Variants in ADAMTS20 observed in about 807,000 individuals in gnomAD.
ADAMTS20 encodes ADAM metallopeptidase with thrombospondin type 1 motif 20, also known as A disintegrin and metalloproteinase with thrombospondin motifs 20.
A neutral mutation model predicts 260.1 loss-of-function variants in ADAMTS20; 225 were observed. That is an observed-to-expected ratio of 0.87 (90% confidence interval 0.78 to 0.97). The LOEUF (loss-of-function observed/expected upper bound fraction) is 0.97. Ranked by LOEUF, ADAMTS20 falls within the 50% of genes least tolerant of loss-of-function variation. The pLI is 0.00. For synonymous variants in ADAMTS20, 802 were observed against 769.5 expected (o/e 1.04, Z -0.70); for missense variants, 2,400 against 2,337.7 (o/e 1.03, Z -0.55).
intron 28 of ADAMTS20, among the ~76,000 whole-genome samples, chr12:43,403,444 C>G (rs1384443888): frequency 6.6e-6 from 1 of 152,020 alleles, no homozygotes; most frequent in African/African-American, 2.4e-5. Flanking sequence ...TCCTTTCTGA[C>G]AGTAGGGGGA....
At chr12:43,407,980 A>T (rs550030282) in intron 28 of ADAMTS20, among the ~76,000 whole-genome samples, 4 of 152,302 alleles carry the variant, frequency 2.6e-5, no homozygotes, top group African/African-American at 7.2e-5. Context: ...TAGCAAGTGA[A>T]ACTCATCTAA....
chr12:43,502,243 C>A lies in ADAMTS20; in HGVS notation c.776G>T (p.Arg259Ile), dbSNP rs776588331. Residue 259 changes from arginine (R) to isoleucine (I), a missense_variant, in exon 4 of 39, where the codon AGA becomes ATA. Arg to Ile is a moderately conservative substitution (Grantham distance 97). Coordinates refer to ENST00000389420, the MANE Select transcript of ADAMTS20 (RefSeq NM_025003.5). ...AGCTGTAACCATAATTTCAATGTAT[C>A]TTGGATATGATATAAGACGTTTTTT... ...SRKKRLISYP[R>I]YIEIMVTADA... 10 of 1,611,626 alleles carry A rather than the reference C, an allele frequency of 6.2e-6. No homozygotes were observed. The Admixed American group carries it at 1.5e-4, about 24-fold the overall frequency.
At chr12:43,354,662 C>G (rs1565661358) in intron 38 of ADAMTS20, among the ~76,000 whole-genome samples, 1 of 151,974 alleles carries the variant, frequency 6.6e-6, no homozygotes, top group African/African-American at 2.4e-5. Context: ...ATTTGCAATC[C>G]AGTATTTACA....
chr12:43,438,881 T>G (rs1328183901), intron 18 of ADAMTS20, among the ~76,000 whole-genome samples: 1 of 152,236 alleles, frequency 6.6e-6, no homozygotes, highest in African/African-American at 2.4e-5. Context: ...ACTGTGCGTA[T>G]CTATAGTACT....
chr12:43,534,659 A>C (rs914275262), intron 2 of ADAMTS20, among the ~76,000 whole-genome samples: 1 of 152,204 alleles, frequency 6.6e-6, no homozygotes, highest in Non-Finnish European at 1.5e-5. Flanking sequence ...AAACAAAAAG[A>C]GAAAACATTC....
intron 11 of ADAMTS20, among the ~76,000 whole-genome samples, chr12:43,459,327 G>A (rs1417390378): frequency 1.3e-5 from 2 of 152,138 alleles, no homozygotes; most frequent in Admixed American, 1.3e-4. Context: ...TAAGTGCCTG[G>A]GTTCATCCTA....
At chr12:43,504,031 CATGT>C (rs1157285619) in intron 3 of ADAMTS20, among the ~76,000 whole-genome samples, 1 of 152,096 alleles carries the variant, frequency 6.6e-6, no homozygotes. Context: ...CATACACATG[CATGT>C]GTCTTTATAG....
At chr12:43,464,561 G>T in intron 10 of ADAMTS20, 30 bp downstream of exon 10, 1 of 1,599,956 alleles carries the variant, frequency 6.3e-7, no homozygotes, top group Non-Finnish European at 8.5e-7. Flanking sequence ...GGCAGTTTTC[G>T]AACAAAATAA....
intron 16 of ADAMTS20, among the ~76,000 whole-genome samples, chr12:43,441,973 T>C (rs977908470): frequency 6.6e-6 from 1 of 152,224 alleles, no homozygotes; most frequent in African/African-American, 2.4e-5. Context: ...GTCTATGACA[T>C]AGACATTCCT....
chr12:43,434,169 G>A, intron 19 of ADAMTS20, 76 bp downstream of exon 19: 1 of 1,421,380 alleles, frequency 7.0e-7, no homozygotes, highest in Non-Finnish European at 9.5e-7. Flanking sequence ...TCCATGCTGT[G>A]TCAGTCACTG....
At chr12:43,449,404 C>T (rs540382976) in intron 14 of ADAMTS20, among the ~76,000 whole-genome samples, 43 of 152,164 alleles carry the variant, frequency 2.8e-4, no homozygotes, top group African/African-American at 9.9e-4. Flanking sequence ...AAATATTACA[C>T]GTTCTCACTT....
chr12:43,460,800 T>C (rs1180919585), intron 11 of ADAMTS20, among the ~76,000 whole-genome samples: 1 of 151,320 alleles, frequency 6.6e-6, no homozygotes, highest in Non-Finnish European at 1.5e-5. Context: ...AAAAATATTA[T>C]GTTGAACAAA....
chr12:43,462,893 A>G lies in ADAMTS20; in HGVS notation c.1614+2T>C. ...CAAGACTCACCCTTCAAGAAAACCT[A>G]CCATTCCAGGACCGCAGTCTGTTCC... On this transcript the variant is annotated splice_donor_variant, in intron 11 of 38. Transcript: ENST00000389420. LOFTEE classifies it high-confidence loss of function. 1 of 1,598,474 alleles carries G rather than the reference A, an allele frequency of 6.3e-7. No homozygotes were observed.
chr12:43,502,947 T>A (rs1942788782), intron 3 of ADAMTS20, among the ~76,000 whole-genome samples: 1 of 152,140 alleles, frequency 6.6e-6, no homozygotes, highest in Non-Finnish European at 1.5e-5. Flanking sequence ...GAAAGGCAAA[T>A]GTTCCTATAA....
Position 43,450,528 on chromosome 12 carries a change from C to T in ADAMTS20, c.2079+1746G>A, listed in dbSNP as rs377557740. On this transcript the variant is annotated intron_variant, in intron 14 of 38. Coordinates refer to ENST00000389420, the MANE Select transcript of ADAMTS20 (RefSeq NM_025003.5). The stretch of plus-strand genomic sequence containing the variant: ...CAACTTTTTTCAGGCCACTGAATAA[C>T]CTTTTCAGTATTTAAACTGTTTCCG... Among the ~76,000 whole-genome samples the T allele has an allele frequency of 2.6e-5, 4 of 152,036 alleles. No homozygotes were observed. In the East Asian group the frequency reaches 5.8e-4, roughly 22 times the overall value.
Position 43,504,285 on chromosome 12 carries a change from T to C in ADAMTS20, c.614-1880A>G, listed in dbSNP as rs374854507. On this transcript the variant is annotated intron_variant, in intron 3 of 38. Transcript: ENST00000389420. ...GATGTGAGATGGTATCTCATCATGGTTCTGATGTGCATTTCTCTAACGATT... is the reference window on the plus strand; with the variant it reads ...GATGTGAGATGGTATCTCATCATGGCTCTGATGTGCATTTCTCTAACGATT... Among the ~76,000 whole-genome samples, 30 of 152,314 alleles carry C rather than the reference T, an allele frequency of 2.0e-4. No individual in the cohort carries two copies. In the East Asian group the frequency reaches 4.2e-3, roughly 22 times the overall value.
At chr12:43,461,557 G>A (rs1407823729) in intron 11 of ADAMTS20, among the ~76,000 whole-genome samples, 1 of 152,044 alleles carries the variant, frequency 6.6e-6, no homozygotes, top group Non-Finnish European at 1.5e-5. Flanking sequence ...AAGGTTCATG[G>A]CATACAGTAA....
chr12:43,547,784 A>G (rs1400838946), intron 2 of ADAMTS20, among the ~76,000 whole-genome samples: 1 of 152,206 alleles, frequency 6.6e-6, no homozygotes, highest in Non-Finnish European at 1.5e-5. Flanking sequence ...AGAGGGATAT[A>G]CAGCACTAGT....
chr12:43,437,544 A>C (rs1167390018), intron 18 of ADAMTS20, among the ~76,000 whole-genome samples: 1 of 152,206 alleles, frequency 6.6e-6, no homozygotes, highest in Admixed American at 6.5e-5. Flanking sequence ...ACAAGCATGA[A>C]ATTGGAAAAC....
Sources: allele counts gnomAD v4.1 joint callset (sites outside exome capture counted in the v4.1 genomes callset), GRCh38; gene constraint gnomAD v4.1.1; transcripts MANE v1.5; gene names NCBI Gene and HGNC (gene_info 2026-07-23, HGNC 2026-07-21).